NUSAP1: variants seen among roughly 807,000 people sequenced by gnomAD.
NUSAP1 encodes the protein nucleolar and spindle-associated protein 1.
In NUSAP1, 32 loss-of-function variants were observed where a neutral mutation model predicts 52.8. The observed-to-expected ratio is 0.61, with a 90% CI of 0.46 to 0.81. The LOEUF is 0.81. Ranked by LOEUF, NUSAP1 falls within the 40% of genes least tolerant of loss-of-function variation. NUSAP1 has a pLI of 0.00. For synonymous variants in NUSAP1, 195 were observed against 183.1 expected, an observed-to-expected ratio of 1.06 and a Z score of -0.52; for missense variants, 499 against 522.3, an observed-to-expected ratio of 0.96 and a Z score of 0.43.
chr15:41,380,851 C>T lies in NUSAP1; in HGVS notation c.*665C>T, dbSNP rs185628882. 3.3e-5 allele frequency: 5 copies of T among 152,282 alleles called. No individual in the cohort carries two copies. In the East Asian group the frequency reaches 9.7e-4, roughly 29 times the overall value. The allele number at this position is 152,282 out of a possible 1,614,324, so 9.4% of individuals were successfully genotyped here. The stretch of plus-strand genomic sequence containing the variant: ...CCCTATCGAAATGCGAGGATTAATG[C>T]TTTAATGCTTTTAGAGACAGGGTCT... On this transcript the variant is annotated 3_prime_UTR_variant, in exon 11 of 11. Transcript: ENST00000559596.
intron 1 of NUSAP1, among the ~76,000 whole-genome samples, chr15:41,336,537 A>C (rs1215596632): frequency 6.6e-6 from 1 of 151,750 alleles, no homozygotes; most frequent in Non-Finnish European, 1.5e-5. Context: ...ATCTTTGCCT[A>C]TACCTCTGCA....
At chr15:41,333,302 TA>T (rs1196725586) in intron 1 of NUSAP1, among the ~76,000 whole-genome samples, 4 of 152,210 alleles carry the variant, frequency 2.6e-5, no homozygotes, top group Non-Finnish European at 5.9e-5. Flanking sequence ...AGGGATGGTT[TA>T]TTGTTTTTTG....
At chr15:41,344,910 C>G (rs1179300734) in intron 2 of NUSAP1, among the ~76,000 whole-genome samples, 1 of 152,126 alleles carries the variant, frequency 6.6e-6, no homozygotes, top group Non-Finnish European at 1.5e-5. Flanking sequence ...CGCTGCATTC[C>G]AGCCTAGGCA....
intron 10 of NUSAP1, among the ~76,000 whole-genome samples, chr15:41,378,628 G>T (rs1434786364): frequency 2.0e-5 from 3 of 152,022 alleles, no homozygotes; most frequent in Non-Finnish European, 4.4e-5. Context: ...AAATTAGCCG[G>T]GCGTGGTGGC....
At chr15:41,345,071 C>G (rs918236203) in intron 2 of NUSAP1, among the ~76,000 whole-genome samples, 3 of 152,130 alleles carry the variant, frequency 2.0e-5, no homozygotes, top group African/African-American at 7.2e-5. Context: ...ACAATCAGGG[C>G]TCACTGCAGC....
At chr15:41,338,883 T>C (rs2048272446) in intron 1 of NUSAP1, among the ~76,000 whole-genome samples, 1 of 151,726 alleles carries the variant, frequency 6.6e-6, no homozygotes, top group Non-Finnish European at 1.5e-5. Context: ...GAAAATCCCT[T>C]CAACCTGAGA....
chr15:41,342,580 A>G, intron 2 of NUSAP1, 126 bp downstream of exon 2: 2 of 708,264 alleles, frequency 2.8e-6, no homozygotes, highest in Non-Finnish European at 4.7e-6. Flanking sequence ...GCTCACGCCT[A>G]TACTCCTAGC....
At position 41,380,772 on chromosome 15, in the gene NUSAP1, C is replaced by T. The variant is rs1286515345; in HGVS notation, c.*586C>T. On this transcript the variant is annotated 3_prime_UTR_variant, in exon 11 of 11. Transcript: ENST00000559596. ...TGCCATCTGTCACTCACTATATTCACAAAAATAAAACTCTACAACTCATTC... is the reference window on the plus strand; with the variant it reads ...TGCCATCTGTCACTCACTATATTCATAAAAATAAAACTCTACAACTCATTC... 1 of 152,252 alleles carries T rather than the reference C, an allele frequency of 6.6e-6. No individual in the cohort carries two copies. The highest frequency in any genetic ancestry group is 2.4e-5 in the African/African-American group (1 of 41,448). 9.4% of individuals were successfully genotyped at this position (152,252 alleles called of 1,614,324 possible).
intron 1 of NUSAP1, 73 bp from the exon 2 acceptor site, chr15:41,342,313 A>G: frequency 9.7e-7 from 1 of 1,035,262 alleles, no homozygotes; most frequent in Non-Finnish European, 1.5e-6. Flanking sequence ...GAATACAAGA[A>G]CAGCAAAAAA....
intron 2 of NUSAP1, among the ~76,000 whole-genome samples, chr15:41,342,764 G>A (rs528626390): frequency 5.3e-5 from 8 of 152,230 alleles, no homozygotes; most frequent in East Asian, 1.9e-4. Flanking sequence ...GCTTGAACCC[G>A]GGAGGTGGAG....
chr15:41,365,316 C>G (rs2049350999), intron 6 of NUSAP1, 86 bp from the exon 7 acceptor site: 1 of 1,152,254 alleles, frequency 8.7e-7, no homozygotes, highest in Admixed American at 2.6e-5. Context: ...GCCACAACGC[C>G]CGGCTAATTT....
At chr15:41,351,269 A>G (rs1388112059) in intron 4 of NUSAP1, 140 bp downstream of exon 4, 2 of 814,952 alleles carry the variant, frequency 2.5e-6, no homozygotes, top group East Asian at 2.8e-5. Flanking sequence ...TTACTCTTTC[A>G]TAGTTCTAGA....
In NUSAP1 at chr15:41,332,913, G is replaced by A. The variant is rs2047964892; in HGVS notation, c.-45G>A. 2.0e-6 allele frequency: 3 copies of A among 1,486,606 alleles called. No individual in the cohort carries two copies. Among genetic ancestry groups the A allele is most frequent in the Non-Finnish European group, 2.8e-6 (3 of 1,078,680 alleles). The allele number at this position is 1,486,606 out of a possible 1,614,324, so 92.1% of individuals were successfully genotyped here. A position where few individuals can be genotyped will look rare whatever the true frequency, so the allele number is the denominator to read the frequency against. ...CAGGGATTTGAACCGCGCTGACGAA[G>A]TTTGGTGATCCATCTTCCGAGTATC... On this transcript the variant is annotated 5_prime_UTR_variant, in exon 1 of 11. Transcript: ENST00000559596.
chr15:41,369,898 T>C (rs1415262119), intron 7 of NUSAP1, among the ~76,000 whole-genome samples: 1 of 150,744 alleles, frequency 6.6e-6, no homozygotes, highest in Admixed American at 6.6e-5. Flanking sequence ...AAACCCCGTC[T>C]CTGCTAAAAA....
chr15:41,336,999 C>CTTTTTT (rs201223527), intron 1 of NUSAP1, among the ~76,000 whole-genome samples: 691 of 65,730 alleles, frequency 0.011, no homozygotes, highest in Non-Finnish European at 0.012. Context: ...CTTTCCTTTT[C>CTTTTTT]TTTTTTTTTT....
At position 41,371,678 on chromosome 15, in the gene NUSAP1, G is replaced by C; in HGVS notation, c.1000G>C (p.Ala334Pro). The change falls in exon 8 of 11, where the codon GCT (alanine) becomes CCT (proline). Residue 334 changes from alanine (A) to proline (P), a missense_variant. Ala to Pro is a conservative substitution (Grantham distance 27, BLOSUM62 -1). Coordinates refer to ENST00000559596, the MANE Select transcript of NUSAP1 (RefSeq NM_016359.5). ...HKLKTITGNS[A>P]AVITPFKLTT... ...ATTAAAGACCATCACGGGGAATTCT[G>C]CTGCTGGTAAAAAAAAAAAAAAACA... 1 of 1,573,862 alleles carries C rather than the reference G, an allele frequency of 6.4e-7. No individual in the cohort carries two copies.
intron 1 of NUSAP1, among the ~76,000 whole-genome samples, chr15:41,335,983 G>A (rs1431578558): frequency 3.3e-5 from 5 of 150,684 alleles, no homozygotes; most frequent in African/African-American, 9.7e-5. Flanking sequence ...ATTTATGGCC[G>A]GGCATGGTGG....
intron 1 of NUSAP1, among the ~76,000 whole-genome samples, chr15:41,337,626 T>C (rs182436775): frequency 2.0e-5 from 3 of 152,320 alleles, no homozygotes; most frequent in Non-Finnish European, 4.4e-5. Context: ...TCTACTGAAA[T>C]TGCTTTATTA....
intron 7 of NUSAP1, among the ~76,000 whole-genome samples, chr15:41,370,255 G>A (rs534016387): frequency 3.3e-5 from 5 of 151,792 alleles, no homozygotes; most frequent in South Asian, 4.2e-4. Flanking sequence ...AGTGGCGGGC[G>A]CCTATAGTCC....
Sources: allele counts gnomAD v4.1 joint callset (sites outside exome capture counted in the v4.1 genomes callset), GRCh38; gene constraint gnomAD v4.1.1; transcripts MANE v1.5; gene names NCBI Gene and HGNC (gene_info 2026-07-23, HGNC 2026-07-21).